The following SLC16A7 variants were observed in gnomAD, a reference collection of about 807,000 sequenced individuals.
SLC16A7 encodes the protein monocarboxylate transporter 2.
A neutral mutation model predicts 34.9 loss-of-function variants in SLC16A7; 33 were observed. That is an observed-to-expected ratio of 0.94 (90% CI 0.72 to 1.26). The LOEUF is 1.26. Among genes scored for constraint, SLC16A7 ranks in the 50% most tolerant of loss-of-function variants. The pLI is 0.00. For synonymous variants in SLC16A7, 201 were observed against 206.6 expected (o/e 0.97, Z 0.23); for missense variants, 573 against 578.1 (o/e 0.99, Z 0.09).
chr12:59,642,702 G>A (rs1880738049), intron 1 of SLC16A7, among the ~76,000 whole-genome samples: 1 of 152,060 alleles, frequency 6.6e-6, no homozygotes, highest in Non-Finnish European at 1.5e-5. Flanking sequence ...GTTATAGAAT[G>A]AATGGGCAAT....
intron 1 of SLC16A7, among the ~76,000 whole-genome samples, chr12:59,610,712 A>G (rs1420018327): frequency 6.6e-6 from 1 of 152,220 alleles, no homozygotes; most frequent in Non-Finnish European, 1.5e-5. Flanking sequence ...CTGATAGGAA[A>G]CATAAAGATA....
chr12:59,723,696 G>A lies in SLC16A7; in HGVS notation c.217+18678G>A, dbSNP rs915941131. Among the ~76,000 whole-genome samples the A allele has an allele frequency of 5.3e-4, 80 of 151,936 alleles. 2 individuals carry two copies. Among genetic ancestry groups the A allele is most frequent in the Admixed American group, 2.0e-4 (3 of 15,230 alleles). On this transcript the variant is annotated intron_variant, in intron 3 of 5. Coordinates refer to ENST00000547379, the MANE Select transcript of SLC16A7 (RefSeq NM_001270623.2). ...GAAATGTGGAAATGTGGGATATTTA[G>A]GCATAAGGCATTGCACAATGACTCT...
intron 3 of SLC16A7, among the ~76,000 whole-genome samples, chr12:59,770,238 C>A (rs1376475774): frequency 4.6e-5 from 7 of 152,042 alleles, no homozygotes; most frequent in African/African-American, 1.7e-4. Flanking sequence ...GTAAGGCATT[C>A]CTAAACCTTC....
At position 59,666,510 on chromosome 12, in the gene SLC16A7, C is replaced by T. The variant is rs572216877; in HGVS notation, c.-31+11260C>T. Reference sequence around the variant, plus strand: ...TGAATTGTCGTTTCCATAATCCCCACCTGTTGTGGGAGGGACCTGGTGGGA... The same window carrying T: ...TGAATTGTCGTTTCCATAATCCCCATCTGTTGTGGGAGGGACCTGGTGGGA... On this transcript the variant is annotated intron_variant, in intron 2 of 5. Transcript: ENST00000547379. 4.6e-5 allele frequency among the ~76,000 whole-genome samples: 7 copies of T among 152,254 alleles called. No homozygotes were observed. In the South Asian group the frequency reaches 6.2e-4, roughly 14 times the overall value.
chr12:59,699,200 G>A (rs867329489), intron 2 of SLC16A7, among the ~76,000 whole-genome samples: 1 of 151,534 alleles, frequency 6.6e-6, no homozygotes, highest in African/African-American at 2.4e-5. Flanking sequence ...TATTTTAAAT[G>A]TGTAGGGTAA....
Position 59,628,642 on chromosome 12 carries a change from G to A in SLC16A7, c.-129-26510G>A, listed in dbSNP as rs1206715572. On this transcript the variant is annotated intron_variant, in intron 1 of 5. Coordinates refer to ENST00000547379, the MANE Select transcript of SLC16A7 (RefSeq NM_001270623.2). ...GGAAAAAACACATCATATTCTTTGT[G>A]TGTGTGTAAGTGTGCGTGTGTGTGT... 3.3e-5 allele frequency among the ~76,000 whole-genome samples: 5 copies of A among 151,754 alleles called. No individual in the cohort carries two copies. In the East Asian group the frequency reaches 7.8e-4, roughly 24 times the overall value.
At chr12:59,720,678 A>AC (rs1175636489) in intron 3 of SLC16A7, among the ~76,000 whole-genome samples, 1 of 152,050 alleles carries the variant, frequency 6.6e-6, no homozygotes, top group South Asian at 2.1e-4. Context: ...CCATGTTCAC[A>AC]CCCTTAAACT....
chr12:59,665,426 A>G (rs1869111335), intron 2 of SLC16A7, among the ~76,000 whole-genome samples: 1 of 152,092 alleles, frequency 6.6e-6, no homozygotes, highest in Non-Finnish European at 1.5e-5. Flanking sequence ...GTAACTATGT[A>G]TGTGTACTTT....
intron 3 of SLC16A7, among the ~76,000 whole-genome samples, chr12:59,720,491 G>T (rs1446627174): frequency 6.6e-6 from 1 of 152,044 alleles, no homozygotes; most frequent in African/African-American, 2.4e-5. Context: ...CCTTAAGTGT[G>T]TTATCCATCC....
At chr12:59,702,937 A>G (rs1262259403) in intron 2 of SLC16A7, among the ~76,000 whole-genome samples, 1 of 152,046 alleles carries the variant, frequency 6.6e-6, no homozygotes, top group Admixed American at 6.6e-5. Context: ...GCTTCTTAAT[A>G]TCTCTGAAAT....
At position 59,683,928 on chromosome 12, in the gene SLC16A7, A is replaced by T. The variant is rs550061663; in HGVS notation, c.-30-20844A>T. Among the ~76,000 whole-genome samples, 4 of 152,344 alleles carry T rather than the reference A, an allele frequency of 2.6e-5. No homozygotes were observed. The South Asian group carries it at 8.3e-4, about 32-fold the overall frequency. ...CAACTGAATATTATTACATACCATT[A>T]AAAATTGTAATTAGATGAGGTTCAG... On this transcript the variant is annotated intron_variant, in intron 2 of 5. Transcript: ENST00000547379.
intron 2 of SLC16A7, among the ~76,000 whole-genome samples, chr12:59,698,451 C>T (rs1168363799): frequency 6.6e-6 from 1 of 151,708 alleles, no homozygotes; most frequent in African/African-American, 2.4e-5. Context: ...CACATTTTAA[C>T]ATCTTTGAAA....
chr12:59,773,717 A>T (rs1005282888), intron 4 of SLC16A7, among the ~76,000 whole-genome samples: 3 of 152,042 alleles, frequency 2.0e-5, no homozygotes, highest in African/African-American at 7.2e-5. Context: ...GGCATGTGCC[A>T]CCACACCCGG....
At chr12:59,724,923 A>G (rs1490156457) in intron 3 of SLC16A7, among the ~76,000 whole-genome samples, 1 of 152,014 alleles carries the variant, frequency 6.6e-6, no homozygotes, top group Non-Finnish European at 1.5e-5. Context: ...TTGGTTTGTG[A>G]AAATACCAAT....
intron 1 of SLC16A7, among the ~76,000 whole-genome samples, chr12:59,626,749 A>G (rs1036038516): frequency 6.6e-6 from 1 of 151,782 alleles, no homozygotes; most frequent in Non-Finnish European, 1.5e-5. Flanking sequence ...TAGCTTTTGG[A>G]CTGTCAGGCT....
chr12:59,778,661 G>A (rs1565720978), intron 5 of SLC16A7, among the ~76,000 whole-genome samples: 1 of 151,464 alleles, frequency 6.6e-6, no homozygotes. Flanking sequence ...CAATAATCAA[G>A]TGGAATAGTT....
intron 5 of SLC16A7, 41 bp downstream of exon 5, chr12:59,775,516 T>G: frequency 7.0e-7 from 1 of 1,422,770 alleles, no homozygotes; most frequent in Non-Finnish European, 9.8e-7. Flanking sequence ...AAGCATAAAA[T>G]TAATATCCAT....
intron 1 of SLC16A7, among the ~76,000 whole-genome samples, chr12:59,616,808 AT>A (rs953505010): frequency 3.9e-5 from 6 of 152,038 alleles, no homozygotes; most frequent in African/African-American, 1.4e-4. Flanking sequence ...TTATTTTCAC[AT>A]TTTTCCCAAC....
At chr12:59,687,622 T>C (rs1309087461) in intron 2 of SLC16A7, among the ~76,000 whole-genome samples, 1 of 152,124 alleles carries the variant, frequency 6.6e-6, no homozygotes, top group Non-Finnish European at 1.5e-5. Flanking sequence ...CTCTTAGGGC[T>C]TACAATAACA....
Sources: allele counts gnomAD v4.1 joint callset (sites outside exome capture counted in the v4.1 genomes callset), GRCh38; gene constraint gnomAD v4.1.1; transcripts MANE v1.5; gene names NCBI Gene and HGNC (gene_info 2026-07-23, HGNC 2026-07-21).